The following CHLSN variants were observed in gnomAD, a reference collection of about 807,000 sequenced individuals.
CHLSN encodes cholesin, also known as protein cholesin.
At chr7:1,104,945 A>G in the CHLSN span, among the ~76,000 whole-genome samples, 2 of 152,222 alleles carry the variant, frequency 1.3e-5, no homozygotes, top group Non-Finnish European at 2.9e-5. Flanking sequence ...ATGTGATGTT[A>G]GTTCACTTAA....
the CHLSN span, among the ~76,000 whole-genome samples, chr7:1,006,581 C>CGCAGGGAAAGAGCGCACGACGGCCACAGT: frequency 7.5e-6 from 1 of 132,526 alleles, no homozygotes; most frequent in African/African-American, 2.9e-5. Context: ...ACGGCCACAG[C>CGCAGGGAAAGAGCGCACGACGGCCACAGT]GCAGGGAAAG....
the CHLSN span, chr7:1,021,694 A>C: frequency 5.9e-3 from 1,941 of 329,078 alleles, 12 homozygotes; most frequent in Non-Finnish European, 7.5e-3. Context: ...GAGGCAGGAC[A>C]CCACCCCCCT....
At chr7:986,795 C>G in the CHLSN span, 32 of 1,560,528 alleles carry the variant, frequency 2.1e-5, no homozygotes, top group Admixed American at 2.4e-4. Flanking sequence ...CCAGCAGGGA[C>G]AGGTGTGTCG....
chr7:1,033,346 T>C, the CHLSN span, among the ~76,000 whole-genome samples: 4 of 151,878 alleles, frequency 2.6e-5, no homozygotes, highest in Non-Finnish European at 5.9e-5. Flanking sequence ...TCACCTGAGG[T>C]CGGGAGTTCA....
At chr7:986,908 T>G in the CHLSN span, 1 of 1,343,714 alleles carries the variant, frequency 7.4e-7, no homozygotes, top group Non-Finnish European at 9.8e-7. Flanking sequence ...GCTCCCTACC[T>G]CCTGGCTGGG....
chr7:1,066,819 C>T, the CHLSN span, among the ~76,000 whole-genome samples: 6 of 150,122 alleles, frequency 4.0e-5, no homozygotes, highest in Admixed American at 6.6e-5. Flanking sequence ...CTGGAGTGCA[C>T]CCCAGAGGTG....
At chr7:1,091,808 C>A in the CHLSN span, 1 of 1,593,422 alleles carries the variant, frequency 6.3e-7, no homozygotes, top group Non-Finnish European at 8.6e-7. Flanking sequence ...CCCAACACCA[C>A]CTCCCCCGAG....
At chr7:1,053,634 C>T in the CHLSN span, among the ~76,000 whole-genome samples, 3 of 152,198 alleles carry the variant, frequency 2.0e-5, no homozygotes, top group African/African-American at 7.2e-5. Flanking sequence ...TCGAGATCAG[C>T]CTGGCCAACA....
the CHLSN span, among the ~76,000 whole-genome samples, chr7:1,015,271 G>C: frequency 1.3e-5 from 2 of 152,090 alleles, no homozygotes; most frequent in Non-Finnish European, 2.9e-5. Context: ...TGAGGCATGA[G>C]AGCAGGTGTG....
chr7:1,030,224 G>A, the CHLSN span, among the ~76,000 whole-genome samples: 3 of 152,056 alleles, frequency 2.0e-5, no homozygotes, highest in African/African-American at 4.8e-5. Context: ...AACGACCCAC[G>A]CATCCACCCA....
chr7:1,014,458 G>A, the CHLSN span, among the ~76,000 whole-genome samples: 3 of 152,242 alleles, frequency 2.0e-5, no homozygotes, highest in Non-Finnish European at 4.4e-5. Flanking sequence ...GTGTGACACG[G>A]GCCCTGTGTG....
the CHLSN span, among the ~76,000 whole-genome samples, chr7:980,965 T>C: frequency 1.3e-5 from 2 of 151,926 alleles, no homozygotes; most frequent in African/African-American, 4.8e-5. Context: ...AGTGCTGGGA[T>C]TACAGGCATA....
chr7:1,049,080 C>T, the CHLSN span, among the ~76,000 whole-genome samples: 14 of 152,350 alleles, frequency 9.2e-5, no homozygotes, highest in East Asian at 2.7e-3. Context: ...GCGGTCTGAC[C>T]CTGTGCTACC....
chr7:1,113,450 C>G, the CHLSN span, among the ~76,000 whole-genome samples: 1 of 152,244 alleles, frequency 6.6e-6, no homozygotes, highest in Middle Eastern at 3.4e-3. Context: ...AGCAGGTGTG[C>G]GACCCACATG....
the CHLSN span, among the ~76,000 whole-genome samples, chr7:1,087,555 G>A: frequency 6.6e-6 from 1 of 152,190 alleles, no homozygotes; most frequent in East Asian, 1.9e-4. Flanking sequence ...ACGAGGTCAG[G>A]TGTGGAATTT....
the CHLSN span, among the ~76,000 whole-genome samples, chr7:984,027 G>C: frequency 6.6e-6 from 1 of 152,162 alleles, no homozygotes; most frequent in Non-Finnish European, 1.5e-5. Flanking sequence ...GCCGAAGACG[G>C]ATCAGGGTCT....
At chr7:1,050,759 C>T in the CHLSN span, among the ~76,000 whole-genome samples, 1 of 152,210 alleles carries the variant, frequency 6.6e-6, no homozygotes, top group African/African-American at 2.4e-5. Context: ...GAGTGAGCAC[C>T]GCTCAGTAGA....
the CHLSN span, among the ~76,000 whole-genome samples, chr7:1,127,857 C>CCT: frequency 1.1e-4 from 8 of 72,702 alleles, no homozygotes; most frequent in East Asian, 6.3e-4. Context: ...CTCATCCCAC[C>CCT]GTCACCCGGG....
the CHLSN span, among the ~76,000 whole-genome samples, chr7:1,123,353 C>T: frequency 5.3e-5 from 8 of 152,306 alleles, no homozygotes; most frequent in East Asian, 5.8e-4. The surrounding 1 kb of genome is among the most constrained non-coding windows in gnomAD (Gnocchi z 4.4). Flanking sequence ...CGGGAGTGGC[C>T]GCTGACCCGC....
Sources: allele counts gnomAD v4.1 joint callset (sites outside exome capture counted in the v4.1 genomes callset), GRCh38; gene constraint gnomAD v4.1.1; non-coding constraint Gnocchi (gnomAD v3.1); transcripts MANE v1.5; gene names NCBI Gene and HGNC (gene_info 2026-07-23, HGNC 2026-07-21).